FSTL4: variants seen among roughly 807,000 people sequenced by gnomAD.
FSTL4 encodes follistatin-related protein 4.
A neutral mutation model predicts 78.2 loss-of-function variants in FSTL4; 28 were observed. That is an observed-to-expected ratio of 0.36 (90% CI 0.27 to 0.49). The LOEUF (loss-of-function observed/expected upper bound fraction) is 0.49, where lower values mean the gene tolerates loss of function less well. Among genes scored for constraint, FSTL4 ranks in the 20% least tolerant of loss-of-function variants. The pLI, the probability that FSTL4 is intolerant of heterozygous loss-of-function variation, is 0.98. For missense variants in FSTL4, 922 were observed against 1,084.9 expected, an observed-to-expected ratio of 0.85 and a Z score of 2.11; for synonymous variants, 422 against 440.5, an observed-to-expected ratio of 0.96 and a Z score of 0.53.
chr5:133,321,416 G>GAC (rs1754047495), intron 4 of FSTL4, among the ~76,000 whole-genome samples: 1 of 152,222 alleles, frequency 6.6e-6, no homozygotes. Context: ...GCAGGGTCCA[G>GAC]TCTTAGCCTT....
intron 6 of FSTL4, among the ~76,000 whole-genome samples, chr5:133,293,449 C>T (rs1427677235): frequency 6.6e-6 from 1 of 152,208 alleles, no homozygotes; most frequent in Non-Finnish European, 1.5e-5. Flanking sequence ...CTGTGGCCTG[C>T]ATGTCTTTGG....
chr5:133,545,559 T>C (rs1008848309), intron 3 of FSTL4, among the ~76,000 whole-genome samples: 1 of 152,158 alleles, frequency 6.6e-6, no homozygotes, highest in Non-Finnish European at 1.5e-5. Flanking sequence ...AAAACAAACC[T>C]CTTTTCTTTA....
chr5:133,466,613 T>C lies in FSTL4; in HGVS notation c.161-65627A>G, dbSNP rs144353483. Among the ~76,000 whole-genome samples the C allele has an allele frequency of 9.2e-3, 1,405 of 152,086 alleles. 11 individuals are homozygous for C. Among genetic ancestry groups the C allele is most frequent in the Non-Finnish European group, 0.013 (885 of 67,994 alleles). On this transcript the variant is annotated intron_variant, in intron 3 of 15. Transcript: ENST00000265342. ...CATTCAAAGTTCATCCATCCACCCATCTACCATGTATCCGGTCAACATTTA... is the reference window on the plus strand; with the variant it reads ...CATTCAAAGTTCATCCATCCACCCACCTACCATGTATCCGGTCAACATTTA...
At chr5:133,765,693 G>T in the FSTL4 span, among the ~76,000 whole-genome samples, 1 of 152,200 alleles carries the variant, frequency 6.6e-6, no homozygotes, top group African/African-American at 2.4e-5. Flanking sequence ...GAAGAGGGAG[G>T]CTACAATAAC....
chr5:133,347,188 C>T (rs186088312), intron 4 of FSTL4, among the ~76,000 whole-genome samples: 1 of 152,208 alleles, frequency 6.6e-6, no homozygotes, highest in Admixed American at 6.5e-5. Context: ...CAGTAGACAC[C>T]GGTGTGCATT....
chr5:133,318,482 C>A (rs1753962969), intron 4 of FSTL4, among the ~76,000 whole-genome samples: 1 of 152,122 alleles, frequency 6.6e-6, no homozygotes, highest in Non-Finnish European at 1.5e-5. Flanking sequence ...GCAAATAGAC[C>A]AGAAGTGGGG....
chr5:133,322,285 A>C (rs1337992895), intron 4 of FSTL4, among the ~76,000 whole-genome samples: 2 of 40,632 alleles, frequency 4.9e-5, no homozygotes, highest in Non-Finnish European at 7.7e-5. Context: ...ACCCACACAC[A>C]CACACACCCC....
At chr5:133,642,441 G>C in the FSTL4 span, among the ~76,000 whole-genome samples, 2 of 152,162 alleles carry the variant, frequency 1.3e-5, no homozygotes, top group East Asian at 1.9e-4. Flanking sequence ...TCTGTGAGCT[G>C]TCTGATCTTC....
chr5:133,556,453 C>T (rs140565973), intron 3 of FSTL4, among the ~76,000 whole-genome samples: 308 of 152,182 alleles, frequency 2.0e-3, no homozygotes, highest in Middle Eastern at 0.01. Flanking sequence ...TGGCGGGGTG[C>T]GGTGGCTCAT....
chr5:133,527,336 A>G (rs1351349350), intron 3 of FSTL4, among the ~76,000 whole-genome samples: 2 of 152,162 alleles, frequency 1.3e-5, no homozygotes, highest in Non-Finnish European at 2.9e-5. Context: ...CCTCAAAGAG[A>G]CATGCTACTT....
At chr5:133,512,149 GCCCAC>G (rs1758747292) in intron 3 of FSTL4, among the ~76,000 whole-genome samples, 1 of 152,122 alleles carries the variant, frequency 6.6e-6, no homozygotes, top group African/African-American at 2.4e-5. Context: ...AAAGCCCAAA[GCCCAC>G]GCATCACCCT....
At chr5:133,233,236 G>T (rs1751548052) in intron 8 of FSTL4, among the ~76,000 whole-genome samples, 181 bp downstream of exon 8, 1 of 152,252 alleles carries the variant, frequency 6.6e-6, no homozygotes, top group African/African-American at 2.4e-5. Flanking sequence ...AGCCAAATAT[G>T]AAAATTGGTC....
chr5:133,786,075 C>T, the FSTL4 span, among the ~76,000 whole-genome samples: 56 of 152,302 alleles, frequency 3.7e-4, no homozygotes, highest in Middle Eastern at 6.8e-3. Context: ...CTTCAGCATC[C>T]CCAACTGGGC....
At chr5:133,832,079 A>G in the FSTL4 span, among the ~76,000 whole-genome samples, 1 of 152,162 alleles carries the variant, frequency 6.6e-6, no homozygotes, top group African/African-American at 2.4e-5. Context: ...TCAGTGGCTT[A>G]CTTAGCACTT....
the FSTL4 span, among the ~76,000 whole-genome samples, chr5:133,820,424 T>C: frequency 1.3e-5 from 2 of 152,210 alleles, no homozygotes; most frequent in Non-Finnish European, 2.9e-5. Flanking sequence ...GTTACAACAT[T>C]GTTTTTCTTC....
the FSTL4 span, among the ~76,000 whole-genome samples, chr5:133,674,585 ATGTGTGTGTGTGTG>A: frequency 2.0e-5 from 3 of 150,024 alleles, no homozygotes; most frequent in East Asian, 2.0e-4. Flanking sequence ...AGACTTCCAT[ATGTGTGTGTGTGTG>A]TGTGTGTGTG....
the FSTL4 span, among the ~76,000 whole-genome samples, chr5:133,710,321 G>A: frequency 2.0e-5 from 3 of 152,182 alleles, no homozygotes; most frequent in Non-Finnish European, 4.4e-5. Context: ...CTCAGCCCAA[G>A]AGCACCTATC....
chr5:133,712,639 G>T, the FSTL4 span, among the ~76,000 whole-genome samples: 558 of 152,344 alleles, frequency 3.7e-3, 3 homozygotes, highest in African/African-American at 0.013. Flanking sequence ...GCCTGCAAAG[G>T]TCACTTCCAA....
the FSTL4 span, among the ~76,000 whole-genome samples, chr5:133,700,980 C>G: frequency 6.6e-6 from 1 of 152,226 alleles, no homozygotes; most frequent in African/African-American, 2.4e-5. Flanking sequence ...TCTGCTCATT[C>G]AGACGCAGGC....
Sources: allele counts gnomAD v4.1 joint callset (sites outside exome capture counted in the v4.1 genomes callset), GRCh38; gene constraint gnomAD v4.1.1; transcripts MANE v1.5; gene names NCBI Gene and HGNC (gene_info 2026-07-23, HGNC 2026-07-21).